Variants in SHISAL1 observed in about 807,000 individuals in gnomAD.
SHISAL1 encodes the protein shisa like 1.
In SHISAL1, 9 loss-of-function variants were observed where a neutral mutation model predicts 22.6. The observed-to-expected ratio is 0.40, with a 90% CI of 0.24 to 0.70. SHISAL1 has a LOEUF of 0.70. SHISAL1 is among the 30% of genes least tolerant of loss of function. The pLI, the probability that SHISAL1 is intolerant of heterozygous loss-of-function variation, is 0.39. For synonymous variants in SHISAL1, 119 were observed against 115.4 expected, an observed-to-expected ratio of 1.03 and a Z score of -0.20; for missense variants, 246 against 270.6, an observed-to-expected ratio of 0.91 and a Z score of 0.64.
intron 1 of SHISAL1, among the ~76,000 whole-genome samples, chr22:44,304,392 C>T (rs367864374): frequency 2.0e-4 from 31 of 152,332 alleles, no homozygotes; most frequent in African/African-American, 6.3e-4. Context: ...GGCATCGTGG[C>T]GGGAGCTGGG....
intron 3 of SHISAL1, among the ~76,000 whole-genome samples, chr22:44,292,345 G>C (rs2055358691): frequency 2.0e-5 from 3 of 152,126 alleles, no homozygotes; most frequent in African/African-American, 7.2e-5. Flanking sequence ...TTTTAGCTGG[G>C]GTCTGGTGCG....
At position 44,246,321 on chromosome 22, in the gene SHISAL1, G is replaced by C. The variant is rs548963291; in HGVS notation, c.*3364C>G. On this transcript the variant is annotated 3_prime_UTR_variant, in exon 5 of 5. Transcript: ENST00000381176. ...ACGCGGTAGTTCTGCAAACAGCCTC[G>C]AATGCAGATTCCTCTGTGGACATCT... 2 of 152,198 alleles carry C rather than the reference G, an allele frequency of 1.3e-5. No homozygotes were observed. Among genetic ancestry groups the C allele is most frequent in the African/African-American group, 4.8e-5 (2 of 41,436 alleles). The allele number at this position is 152,198 out of a possible 1,614,324, so 9.4% of individuals were successfully genotyped here.
At chr22:44,327,608 G>A in the SHISAL1 span, among the ~76,000 whole-genome samples, 3 of 152,138 alleles carry the variant, frequency 2.0e-5, no homozygotes, top group Non-Finnish European at 4.4e-5. Context: ...TGACCTTGGA[G>A]TCTCCTCCAC....
the SHISAL1 span, among the ~76,000 whole-genome samples, chr22:44,329,729 T>C: frequency 6.6e-6 from 1 of 152,210 alleles, no homozygotes; most frequent in African/African-American, 2.4e-5. Context: ...TGTCCCGCAC[T>C]GAGCAGTCAC....
chr22:44,330,790 G>A, the SHISAL1 span, among the ~76,000 whole-genome samples: 1 of 152,126 alleles, frequency 6.6e-6, no homozygotes, highest in Non-Finnish European at 1.5e-5. Flanking sequence ...ATGAGCTTCC[G>A]AGGCTGCCGC....
chr22:44,269,968 C>A (rs936550992), intron 4 of SHISAL1, among the ~76,000 whole-genome samples: 7 of 152,196 alleles, frequency 4.6e-5, no homozygotes, highest in African/African-American at 1.7e-4. Context: ...CCTCAGTGTG[C>A]CCCTCCAACA....
rs1168945294 is a variant in SHISAL1 at position 44,249,629 on chromosome 22, T to G, written c.*56A>C. On this transcript the variant is annotated 3_prime_UTR_variant, in exon 5 of 5. Transcript: ENST00000381176. ...TGTAGAAGTTGTTCTTCTCGGAGGCTGCACCGGGTGCTTCAGATCTCATCT... is the reference window on the plus strand; with the variant it reads ...TGTAGAAGTTGTTCTTCTCGGAGGCGGCACCGGGTGCTTCAGATCTCATCT... 6.4e-6 allele frequency: 5 copies of G among 778,454 alleles called. No individual in the cohort carries two copies. Among genetic ancestry groups the G allele is most frequent in the Non-Finnish European group, 1.2e-5 (5 of 417,420 alleles). 48.2% of individuals were successfully genotyped at this position (778,454 alleles called of 1,614,324 possible). A position where few individuals can be genotyped will look rare whatever the true frequency, so the allele number is the denominator to read the frequency against.
rs553536117 is a variant in SHISAL1 at position 44,254,714 on chromosome 22, T to C, written c.*-5029A>G. On this transcript the variant is annotated intron_variant, in intron 4 of 4. Transcript: ENST00000381176. ...GAGACATGTTCACTGCTGAGGAATC[T>C]AATGAAGCAGGAGATATAATATGTA... Among the ~76,000 whole-genome samples, 5 of 151,758 alleles carry C rather than the reference T, an allele frequency of 3.3e-5. No individual in the cohort carries two copies. The East Asian group carries it at 7.7e-4, about 23-fold the overall frequency.
intron 4 of SHISAL1, among the ~76,000 whole-genome samples, chr22:44,261,152 TAA>T (rs67889344): frequency 2.3e-4 from 32 of 140,492 alleles, no homozygotes; most frequent in African/African-American, 5.7e-4. Flanking sequence ...CAATGACTTT[TAA>T]AAAAAAAAAA....
chr22:44,315,314 C>G (rs549219218), upstream of SHISAL1, among the ~76,000 whole-genome samples: 1 of 152,088 alleles, frequency 6.6e-6, no homozygotes, highest in African/African-American at 2.4e-5. Context: ...GCACACAGGC[C>G]CACCCCTCTG....
At chr22:44,285,329 C>A in intron 4 of SHISAL1, 99 bp downstream of exon 4, 2 of 1,308,466 alleles carry the variant, frequency 1.5e-6, no homozygotes, top group Non-Finnish European at 1.1e-6. Flanking sequence ...AATCAGGCAA[C>A]CAATGAGCCA....
At chr22:44,314,755 ATG>A (rs1209392013), upstream of SHISAL1, among the ~76,000 whole-genome samples, 1 of 152,148 alleles carries the variant, frequency 6.6e-6, no homozygotes, top group East Asian at 1.9e-4. Flanking sequence ...CAGCGGCGCT[ATG>A]GAAAAACCTG....
chr22:44,244,150 C>T lies in SHISAL1; in HGVS notation c.*5535G>A, dbSNP rs2054978559. On this transcript the variant is annotated 3_prime_UTR_variant, in exon 5 of 5. Transcript: ENST00000381176. ...CGTATGAGAAACTGACATGCAATTC[C>T]AAGAAGAGGCTCTCTCTTGGGCCAC... 6.6e-6 allele frequency: 1 copy of T among 152,182 alleles called. No individual in the cohort carries two copies. The highest frequency in any genetic ancestry group is 2.4e-5 in the African/African-American group (1 of 41,438). The allele number at this position is 152,182 out of a possible 1,614,324, so 9.4% of individuals were successfully genotyped here.
At chr22:44,277,296 TG>T (rs2055246567) in intron 4 of SHISAL1, among the ~76,000 whole-genome samples, 1 of 152,176 alleles carries the variant, frequency 6.6e-6, no homozygotes, top group East Asian at 1.9e-4. Flanking sequence ...AGACAGCACC[TG>T]AGAGGCCAGT....
At chr22:44,316,006 T>C (rs567170288), upstream of SHISAL1, among the ~76,000 whole-genome samples, 2 of 152,260 alleles carry the variant, frequency 1.3e-5, no homozygotes, top group Admixed American at 6.5e-5. Flanking sequence ...AGCAGGGCAA[T>C]GATAACCCCC....
intron 4 of SHISAL1, among the ~76,000 whole-genome samples, chr22:44,255,005 C>CAAGTGAT (rs2055074510): frequency 6.6e-6 from 1 of 152,136 alleles, no homozygotes; most frequent in Non-Finnish European, 1.5e-5. Flanking sequence ...AGCACTGACT[C>CAAGTGAT]AAGTGATCAC....
chr22:44,301,341 A>C (rs1375215273), intron 1 of SHISAL1, among the ~76,000 whole-genome samples: 6 of 152,178 alleles, frequency 3.9e-5, no homozygotes, highest in Non-Finnish European at 4.4e-5. Context: ...TACAGGACCC[A>C]GGTCCCCTGC....
chr22:44,289,827 A>G (rs996547684), intron 3 of SHISAL1, among the ~76,000 whole-genome samples: 3 of 152,256 alleles, frequency 2.0e-5, no homozygotes, highest in African/African-American at 7.2e-5. Flanking sequence ...TTCCATCCAG[A>G]TGCAGGGGTC....
intron 3 of SHISAL1, among the ~76,000 whole-genome samples, chr22:44,295,676 A>G (rs2147298017): frequency 6.6e-6 from 1 of 152,324 alleles, no homozygotes; most frequent in Non-Finnish European, 1.5e-5. Context: ...TTCATATATA[A>G]AAAGCACCCA....
Sources: gnomAD v4.1 joint callset for allele counts (sites outside exome capture counted in the v4.1 genomes callset) on GRCh38, gnomAD v4.1.1 for gene constraint, MANE v1.5 for transcripts, NCBI Gene and HGNC (gene_info 2026-07-23, HGNC 2026-07-21) for gene names.